The following UNC5C variants were observed in gnomAD, a reference collection of about 807,000 sequenced individuals.
UNC5C encodes the protein netrin receptor UNC5C.
A neutral mutation model predicts 99.8 loss-of-function variants in UNC5C; 47 were observed. The ratio of observed to expected loss-of-function variants is 0.47; its 90% CI spans 0.37 to 0.60. UNC5C has a LOEUF of 0.60. Ranked by LOEUF, UNC5C falls within the 20% of genes least tolerant of loss-of-function variation. UNC5C has a pLI of 0.00. For synonymous variants in UNC5C, 487 were observed against 452.2 expected, an observed-to-expected ratio of 1.08 and a Z score of -0.98; for missense variants, 1,062 against 1,165.9, an observed-to-expected ratio of 0.91 and a Z score of 1.30.
At chr4:95,309,188 G>T (rs886853624) in intron 2 of UNC5C, among the ~76,000 whole-genome samples, 33 of 152,096 alleles carry the variant, frequency 2.2e-4, no homozygotes, top group African/African-American at 7.7e-4. Flanking sequence ...GGGAAAGGAC[G>T]GTCTCTTCAA....
intron 1 of UNC5C, among the ~76,000 whole-genome samples, chr4:95,443,719 A>G (rs1364194106): frequency 1.3e-5 from 2 of 152,126 alleles, no homozygotes; most frequent in African/African-American, 4.8e-5. Flanking sequence ...TTCTATCAAT[A>G]TTAAGGGGTA....
At chr4:95,318,464 A>C (rs1203415635) in intron 2 of UNC5C, among the ~76,000 whole-genome samples, 2 of 152,226 alleles carry the variant, frequency 1.3e-5, no homozygotes, top group Non-Finnish European at 1.5e-5. Context: ...TGCAGTGACT[A>C]AGGGCACTTA....
chr4:95,354,012 C>T (rs930473936), intron 1 of UNC5C, among the ~76,000 whole-genome samples: 1 of 152,038 alleles, frequency 6.6e-6, no homozygotes, highest in Non-Finnish European at 1.5e-5. Flanking sequence ...AAGGATTGCC[C>T]CAAGCTAGAA....
chr4:95,273,276 T>G (rs1740724617), intron 4 of UNC5C, among the ~76,000 whole-genome samples: 1 of 152,202 alleles, frequency 6.6e-6, no homozygotes, highest in South Asian at 2.1e-4. Context: ...AATTATCCCC[T>G]TGTTAAAGGT....
At chr4:95,412,531 C>T (rs41351948) in intron 1 of UNC5C, among the ~76,000 whole-genome samples, 1,953 of 152,094 alleles carry the variant, frequency 0.013, 53 homozygotes, top group African/African-American at 0.045. Flanking sequence ...CATGGACACT[C>T]GATAGATGTT....
At chr4:95,344,694 C>A (rs1227474522) in intron 1 of UNC5C, among the ~76,000 whole-genome samples, 1 of 151,892 alleles carries the variant, frequency 6.6e-6, no homozygotes, top group African/African-American at 2.4e-5. Flanking sequence ...GTTAAAAAGT[C>A]AGGGGACAAA....
intron 2 of UNC5C, among the ~76,000 whole-genome samples, chr4:95,308,334 A>T (rs1379300300): frequency 6.6e-6 from 1 of 152,224 alleles, no homozygotes; most frequent in South Asian, 2.1e-4. Context: ...AGAAACAAAG[A>T]AAATAATCCC....
At chr4:95,183,612 A>G (rs1736705953) in intron 13 of UNC5C, among the ~76,000 whole-genome samples, 1 of 152,006 alleles carries the variant, frequency 6.6e-6, no homozygotes, top group South Asian at 2.1e-4. Flanking sequence ...GCCACAGAAA[A>G]GTTCTTGGCA....
intron 12 of UNC5C, among the ~76,000 whole-genome samples, chr4:95,198,440 A>ACAT (rs1165157772): frequency 6.6e-6 from 1 of 152,198 alleles, no homozygotes; most frequent in Non-Finnish European, 1.5e-5. Flanking sequence ...AATCCAGAGC[A>ACAT]CATCTATGCC....
At chr4:95,395,385 T>C (rs769065118) in intron 1 of UNC5C, among the ~76,000 whole-genome samples, 2 of 152,226 alleles carry the variant, frequency 1.3e-5, no homozygotes, top group East Asian at 1.9e-4. Flanking sequence ...TTTATTCTTA[T>C]ATGTCAAATT....
intron 2 of UNC5C, among the ~76,000 whole-genome samples, chr4:95,303,551 C>G (rs920462194): frequency 6.6e-6 from 1 of 152,202 alleles, no homozygotes; most frequent in Non-Finnish European, 1.5e-5. Flanking sequence ...TGGCGCACGC[C>G]TGTAATCCCA....
intron 1 of UNC5C, among the ~76,000 whole-genome samples, chr4:95,418,881 TTCC>T (rs1168851254): frequency 2.6e-5 from 4 of 152,144 alleles, no homozygotes; most frequent in African/African-American, 7.2e-5. Flanking sequence ...ACGAACTCCA[TTCC>T]TCCTCCTCTG....
Position 95,329,255 on chromosome 4 carries a change from A to G in UNC5C, c.346+6155T>C, listed in dbSNP as rs537374158. On this transcript the variant is annotated intron_variant, in intron 2 of 15. Transcript: ENST00000453304. ...CAGTGAGCTATGATCATGCCACTGC[A>G]TTCCAGCCTGGAAGACAGAGGAAGA... Among the ~76,000 whole-genome samples the G allele has an allele frequency of 1.3e-5, 2 of 152,324 alleles. 1 individual carries two copies. The highest frequency in any genetic ancestry group is 2.9e-5 in the Non-Finnish European group (2 of 68,028).
chr4:95,286,765 G>GT (rs1177733452), intron 3 of UNC5C, among the ~76,000 whole-genome samples: 1 of 152,092 alleles, frequency 6.6e-6, no homozygotes, highest in Non-Finnish European at 1.5e-5. Context: ...CTTTACTCTC[G>GT]TTACTTAGCT....
At chr4:95,289,096 T>G (rs1741350149) in intron 3 of UNC5C, among the ~76,000 whole-genome samples, 1 of 152,192 alleles carries the variant, frequency 6.6e-6, no homozygotes. Context: ...TATTACATAT[T>G]GTATAGGATT....
intron 4 of UNC5C, among the ~76,000 whole-genome samples, chr4:95,276,103 C>T (rs976197583): frequency 6.6e-6 from 1 of 152,082 alleles, no homozygotes; most frequent in African/African-American, 2.4e-5. Context: ...AGTTACCTTT[C>T]ATCCCTTTCT....
chr4:95,413,704 T>C (rs566878174), intron 1 of UNC5C, among the ~76,000 whole-genome samples: 2 of 152,226 alleles, frequency 1.3e-5, no homozygotes, highest in Non-Finnish European at 2.9e-5. Flanking sequence ...TAAAAACATG[T>C]TTCTCTCAAC....
At chr4:95,483,687 C>T (rs945891929) in intron 1 of UNC5C, among the ~76,000 whole-genome samples, 3 of 151,808 alleles carry the variant, frequency 2.0e-5, no homozygotes, top group Admixed American at 6.6e-5. Flanking sequence ...GGTTCCCTCT[C>T]CTTGATAACA....
intron 4 of UNC5C, among the ~76,000 whole-genome samples, chr4:95,265,650 C>G (rs1244624852): frequency 2.0e-5 from 3 of 152,128 alleles, no homozygotes; most frequent in Non-Finnish European, 4.4e-5. Flanking sequence ...TGAAAATTAT[C>G]AAATGAGATC....
Sources: allele counts gnomAD v4.1 joint callset (sites outside exome capture counted in the v4.1 genomes callset), GRCh38; gene constraint gnomAD v4.1.1; transcripts MANE v1.5; gene names NCBI Gene and HGNC (gene_info 2026-07-23, HGNC 2026-07-21).